The following HEPACAM variants were observed in gnomAD, a reference collection of about 807,000 sequenced individuals.
HEPACAM encodes hepatic and glial cell adhesion molecule, also known as hepatocyte cell adhesion molecule.
Under a neutral mutation model 38.3 loss-of-function variants are expected in HEPACAM, and 18 were observed. The observed-to-expected ratio is 0.47, with a 90% confidence interval of 0.33 to 0.70. The LOEUF (loss-of-function observed/expected upper bound fraction) is 0.70. Ranked by LOEUF, HEPACAM falls within the 30% of genes least tolerant of loss-of-function variation. The probability of loss-of-function intolerance (pLI) is 0.03; values close to 1 mark genes in which losing one functional copy is unlikely to be tolerated. For synonymous variants in HEPACAM, 216 were observed against 243.1 expected (o/e 0.89, Z 1.04); for missense variants, 466 against 563.0 (o/e 0.83, Z 1.74).
chr11:124,920,743 AGG>A lies in HEPACAM; in HGVS notation c.*393_*394del. On this transcript the variant is annotated 3_prime_UTR_variant, in exon 7 of 7. Coordinates refer to ENST00000298251, the MANE Select transcript of HEPACAM (RefSeq NM_152722.5). ...GCACTCAGGCATTTGTTCAGAGGGAAGGGTGGTGGGTGGGAAACAACACAGCT... is the reference window on the plus strand; with the variant it reads ...GCACTCAGGCATTTGTTCAGAGGGAAGTGGTGGGTGGGAAACAACACAGCT... 1 of 1,030,946 alleles carries A rather than the reference AGG, an allele frequency of 9.7e-7. No homozygotes were observed. 63.9% of individuals were successfully genotyped at this position (1,030,946 alleles called of 1,614,324 possible).
intron 4 of HEPACAM, 144 bp downstream of exon 4, chr11:124,923,196 G>T: frequency 1.3e-6 from 1 of 764,962 alleles, no homozygotes; most frequent in Non-Finnish European, 2.4e-6. Flanking sequence ...CAAGATGCTG[G>T]TGCATACACA....
rs757120726 is a variant in HEPACAM, at chr11:124,935,966, G to A, written c.41C>T (p.Ala14Val). The change falls in exon 1 of 7, where the codon GCC becomes GTC. Residue 14 changes from alanine to valine, a missense_variant. Coordinates refer to ENST00000298251, the MANE Select transcript of HEPACAM (RefSeq NM_152722.5). ...GTAGACAAAAGGAGCAAGGCGCAGG[G>A]CCCTGGAGGCTCTGGACAGGGCTCC... ...ERGALSRASR[A>V]LRLAPFVYLL... is the part of the protein sequence containing the mutation. 1 of 1,614,058 alleles carries A rather than the reference G, an allele frequency of 6.2e-7. No individual in the cohort carries two copies. Among genetic ancestry groups the A allele is most frequent in the Non-Finnish European group, 8.5e-7 (1 of 1,179,984 alleles).
At position 124,920,585 on chromosome 11, in the gene HEPACAM, C is replaced by CA. The variant is rs1308473218; in HGVS notation, c.*552dup. 8.1e-7 allele frequency: 1 copy of CA among 1,230,520 alleles called. No individual in the cohort carries two copies. The highest frequency in any genetic ancestry group is 1.0e-6 in the Non-Finnish European group (1 of 964,814). The allele number at this position is 1,230,520 out of a possible 1,614,324, so 76.2% of individuals were successfully genotyped here. Reference sequence around the variant, plus strand: ...TCACAATGATCCCCCCAGCTCAGAACAGCCCCTGCACACCCAGTAACCGGC... The same window carrying CA: ...TCACAATGATCCCCCCAGCTCAGAACAAGCCCCTGCACACCCAGTAACCGGC... On this transcript the variant is annotated 3_prime_UTR_variant, in exon 7 of 7. Transcript: ENST00000298251.
intron 1 of HEPACAM, among the ~76,000 whole-genome samples, chr11:124,934,933 A>G (rs930805994): frequency 2.6e-4 from 39 of 152,050 alleles, no homozygotes; most frequent in African/African-American, 9.2e-4. Context: ...GCCTCACTCA[A>G]TTCATGCTTT....
At position 124,919,869 on chromosome 11, in the gene HEPACAM, A is replaced by C; in HGVS notation, c.*1269T>G. 6.2e-7 allele frequency: 1 copy of C among 1,614,162 alleles called. No individual in the cohort carries two copies. Among genetic ancestry groups the C allele is most frequent in the South Asian group, 1.1e-5 (1 of 91,072 alleles). ...TTAAGGAGGAGGGAATGGAATACAC[A>C]GAGGGCCTCCTTCTCTTTCAGCTTT... On this transcript the variant is annotated 3_prime_UTR_variant, in exon 7 of 7. Coordinates refer to ENST00000298251, the MANE Select transcript of HEPACAM (RefSeq NM_152722.5).
chr11:124,935,995 T>C lies in HEPACAM; in HGVS notation c.12A>G (p.Glu4=). The C allele has an allele frequency of 6.2e-7, 1 of 1,613,734 alleles. No individual in the cohort carries two copies. The highest frequency in any genetic ancestry group is 8.5e-7 in the Non-Finnish European group (1 of 1,179,810). MKR[E]RGALSRASRA... is the part of the protein sequence containing the mutation. ...TGGAGGCTCTGGACAGGGCTCCCCT[T>C]TCTCTCTTCATTTTGGGTGGCGTTC... The change falls in exon 1 of 7, where the codon GAA becomes GAG. Residue 4 remains glutamate, a synonymous_variant. Transcript: ENST00000298251.
chr11:124,924,695 A>G lies in HEPACAM; in HGVS notation c.427+33T>C, dbSNP rs777136181. ...AGACCTTTCCCTAGTCCCACCTGCC[A>G]GTCTTGCCTCTTTCCCTGCCAGAGC... On this transcript the variant is annotated intron_variant, in intron 2 of 6. Coordinates refer to ENST00000298251, the MANE Select transcript of HEPACAM (RefSeq NM_152722.5). The surrounding 1 kb of genome is among the most constrained non-coding windows in gnomAD (Gnocchi z 4.4). 6.3e-7 allele frequency: 1 copy of G among 1,580,768 alleles called. No individual in the cohort carries two copies. Among genetic ancestry groups the G allele is most frequent in the South Asian group, 1.1e-5 (1 of 90,400 alleles).
intron 1 of HEPACAM, 25 bp downstream of exon 1, chr11:124,935,897 C>G: frequency 6.2e-7 from 1 of 1,608,236 alleles, no homozygotes; most frequent in Non-Finnish European, 8.5e-7. Flanking sequence ...TTCTTCAGAC[C>G]CTTTCTTACC....
In HEPACAM at chr11:124,920,678, CAAAAAAAAAAAAAAAAAA is replaced by C. The variant is rs71042463; in HGVS notation, c.*442_*459del. 3.6e-3 allele frequency: 2,046 copies of C among 575,262 alleles called. No homozygotes were observed. The highest frequency in any genetic ancestry group is 0.011 in the South Asian group (130 of 11,342). 35.6% of individuals were successfully genotyped at this position (575,262 alleles called of 1,614,324 possible). On this transcript the variant is annotated 3_prime_UTR_variant, in exon 7 of 7. Transcript: ENST00000298251. ...AAGTGGCCTCTCTAATCTGAACTTG[CAAAAAAAAAAAAAAAAAA>C]AAAAAAAAAAAAAGTGCCCCAGCAC...
At chr11:124,927,523 G>GTTTTTTTTTTTTTTTTT (rs1019070666) in intron 1 of HEPACAM, among the ~76,000 whole-genome samples, 2 of 97,580 alleles carry the variant, frequency 2.0e-5, no homozygotes, top group African/African-American at 4.5e-5. Flanking sequence ...TTTTTTTTTT[G>GTTTTTTTTTTTTTTTTT]TTTTTTTTTT....
Position 124,920,968 on chromosome 11 carries a change from G to A in HEPACAM, c.*170C>T. The A allele has an allele frequency of 1.5e-6, 2 of 1,359,978 alleles. No individual in the cohort carries two copies. The highest frequency in any genetic ancestry group is 1.9e-6 in the Non-Finnish European group (2 of 1,059,820). 84.2% of individuals were successfully genotyped at this position (1,359,978 alleles called of 1,614,324 possible). A position where few individuals can be genotyped will look rare whatever the true frequency, so the allele number is the denominator to read the frequency against. The stretch of plus-strand genomic sequence containing the variant: ...ACCATATCAACACTGCCGCCTCCGC[G>A]CACCCGCCTCCGTCTGCGCATGCTC... On this transcript the variant is annotated 3_prime_UTR_variant, in exon 7 of 7. Coordinates refer to ENST00000298251, the MANE Select transcript of HEPACAM (RefSeq NM_152722.5).
At position 124,919,641 on chromosome 11, in the gene HEPACAM, G is replaced by A. The variant is rs1051582667; in HGVS notation, c.*1497C>T. 94 of 1,282,652 alleles carry A rather than the reference G, an allele frequency of 7.3e-5. No individual in the cohort carries two copies. The highest frequency in any genetic ancestry group is 2.7e-4 in the Middle Eastern group (1 of 3,644). 79.5% of individuals were successfully genotyped at this position (1,282,652 alleles called of 1,614,324 possible). ...GCTCAAATGAGCCTGGGGAAGTGCC[G>A]AGGGACAGGGAGCTGAGACAGGCAT... On this transcript the variant is annotated 3_prime_UTR_variant, in exon 7 of 7. Transcript: ENST00000298251.
chr11:124,928,747 C>A (rs1454111993), intron 1 of HEPACAM, among the ~76,000 whole-genome samples: 1 of 152,136 alleles, frequency 6.6e-6, no homozygotes, highest in African/African-American at 2.4e-5. Context: ...ACCTGGAAGC[C>A]CTCTCCCGAC....
At position 124,921,189 on chromosome 11, in the gene HEPACAM, C is replaced by G; in HGVS notation, c.1200G>C (p.Val400=). Reference sequence around the variant, plus strand: ...CCTCGTCTTGCTCGCGGATTATGTGCACGCCCGCAGTCCGCAGTGTGCGCG... The same window carrying G: ...CCTCGTCTTGCTCGCGGATTATGTGGACGCCCGCAGTCCGCAGTGTGCGCG... ...SASRTLRTAG[V]HIIREQDEAG... is the part of the protein sequence containing the mutation. Residue 400 remains valine (V), a synonymous_variant, in exon 7 of 7, where the codon GTG becomes GTC. Transcript: ENST00000298251. The surrounding 1 kb of genome is among the most constrained non-coding windows in gnomAD (Gnocchi z 4.6). 1 of 1,524,050 alleles carries G rather than the reference C, an allele frequency of 6.6e-7. No individual in the cohort carries two copies. The highest frequency in any genetic ancestry group is 8.8e-7 in the Non-Finnish European group (1 of 1,142,836). 94.4% of individuals were successfully genotyped at this position (1,524,050 alleles called of 1,614,324 possible).
intron 1 of HEPACAM, 129 bp downstream of exon 1, chr11:124,935,793 T>C (rs1298941916): frequency 1.3e-6 from 1 of 773,648 alleles, no homozygotes. Context: ...CCCTGACATG[T>C]TTCCCACGGC....
At chr11:124,928,053 A>G (rs556011181) in intron 1 of HEPACAM, among the ~76,000 whole-genome samples, 3 of 152,246 alleles carry the variant, frequency 2.0e-5, no homozygotes, top group African/African-American at 7.2e-5. Flanking sequence ...TTAAAAATTA[A>G]TGATACTTTC....
Position 124,923,325 on chromosome 11 carries a change from G to T in HEPACAM, c.803+15C>A, listed in dbSNP as rs773493094. On this transcript the variant is annotated intron_variant, in intron 4 of 6. Transcript: ENST00000298251. ...TGGATTGAAGGACTCAGGTGCTCAG[G>T]AGAGTTACCCAGACCTTTTGGAGGG... 2 of 1,570,800 alleles carry T rather than the reference G, an allele frequency of 1.3e-6. No individual in the cohort carries two copies. The highest frequency in any genetic ancestry group is 3.3e-5 in the Admixed American group (2 of 59,980).
At chr11:124,934,048 A>T (rs1234440660) in intron 1 of HEPACAM, among the ~76,000 whole-genome samples, 1 of 151,994 alleles carries the variant, frequency 6.6e-6, no homozygotes, top group Non-Finnish European at 1.5e-5. Context: ...GCTGCCAAAT[A>T]CCTCTCTCCA....
rs763434087 is a variant in HEPACAM at position 124,935,904 on chromosome 11, T to G, written c.85+18A>C. On this transcript the variant is annotated intron_variant, in intron 1 of 6. Coordinates refer to ENST00000298251, the MANE Select transcript of HEPACAM (RefSeq NM_152722.5). ...CGGGTCCTTTCTTCAGACCCTTTCT[T>G]ACCCTCTGGCCTCCTACCTGTCTGG... is the stretch of plus-strand genomic sequence containing the variant. 6.2e-7 allele frequency: 1 copy of G among 1,611,494 alleles called. No individual in the cohort carries two copies. The highest frequency in any genetic ancestry group is 1.1e-5 in the South Asian group (1 of 91,002).
Sources: gnomAD v4.1 joint callset for allele counts (sites outside exome capture counted in the v4.1 genomes callset) on GRCh38, gnomAD v4.1.1 for gene constraint, Gnocchi (gnomAD v3.1) non-coding constraint, MANE v1.5 for transcripts, NCBI Gene and HGNC (gene_info 2026-07-23, HGNC 2026-07-21) for gene names.